TMEM260: variants seen among roughly 807,000 people sequenced by gnomAD.
TMEM260 encodes protein O-mannosyl-transferase TMEM260.
TMEM260 carries 82 observed loss-of-function variants against 88.9 expected under a neutral mutation model. The ratio of observed to expected loss-of-function variants is 0.92; its 90% CI spans 0.77 to 1.11. The LOEUF (loss-of-function observed/expected upper bound fraction) is 1.11, where lower values mean the gene tolerates loss of function less well. TMEM260 is among the 50% of genes least tolerant of loss of function. The pLI is 0.00. For missense variants in TMEM260, 902 were observed against 853.4 expected (o/e 1.06, Z -0.71); for synonymous variants, 314 against 309.3 (o/e 1.02, Z -0.16).
At chr14:56,618,539 G>C (rs1406506686) in intron 9 of TMEM260, 55 bp from the exon 10 acceptor site, 2 of 1,533,150 alleles carry the variant, frequency 1.3e-6, no homozygotes, top group South Asian at 2.3e-5. Flanking sequence ...ATGAGGAGCT[G>C]ATTGATAGCA....
At chr14:56,636,444 T>G (rs1889082578) in intron 14 of TMEM260, 64 bp from the exon 15 acceptor site, 2 of 1,305,194 alleles carry the variant, frequency 1.5e-6, no homozygotes, top group African/African-American at 2.9e-5. Context: ...CTGGAAGATT[T>G]AGCTAGCCCT....
chr14:56,606,995 G>A (rs190059078), intron 5 of TMEM260, among the ~76,000 whole-genome samples: 33 of 152,316 alleles, frequency 2.2e-4, no homozygotes, highest in South Asian at 1.5e-3. Context: ...AGTCAATCAC[G>A]TAAGTCCTTA....
chr14:56,602,258 TA>T (rs1202681665), intron 3 of TMEM260, among the ~76,000 whole-genome samples: 13 of 152,208 alleles, frequency 8.5e-5, no homozygotes, highest in African/African-American at 3.1e-4. Flanking sequence ...AAGTAGGATT[TA>T]AATAAATAGA....
intron 4 of TMEM260, 147 bp downstream of exon 4, chr14:56,604,139 C>A: frequency 2.6e-6 from 2 of 772,104 alleles, no homozygotes; most frequent in Non-Finnish European, 3.7e-6. Flanking sequence ...TGATCTCAGT[C>A]TTTTTTATTA....
At chr14:56,640,399 C>T (rs1311316101) in intron 15 of TMEM260, among the ~76,000 whole-genome samples, 1 of 152,192 alleles carries the variant, frequency 6.6e-6, no homozygotes, top group East Asian at 1.9e-4. Flanking sequence ...CTGGAGTGGA[C>T]CTCCAGCAAA....
chr14:56,642,461 G>C (rs56269301), intron 15 of TMEM260, among the ~76,000 whole-genome samples: 1 of 151,748 alleles, frequency 6.6e-6, no homozygotes, highest in Non-Finnish European at 1.5e-5. Context: ...TGAAACCAAC[G>C]AGAACAAAGA....
At chr14:56,611,363 TTGAG>T (rs1887265517) in intron 6 of TMEM260, among the ~76,000 whole-genome samples, 1 of 152,140 alleles carries the variant, frequency 6.6e-6, no homozygotes, top group South Asian at 2.1e-4. Flanking sequence ...ACTAAAGACT[TTGAG>T]TGAAGAGAAA....
intron 1 of TMEM260, among the ~76,000 whole-genome samples, chr14:56,582,858 T>G (rs1885227673): frequency 2.0e-5 from 3 of 152,206 alleles, no homozygotes; most frequent in Admixed American, 2.0e-4. Context: ...TTAGAGACGT[T>G]GAATGGGGAC....
chr14:56,662,395 G>A, the TMEM260 span, among the ~76,000 whole-genome samples: 8 of 152,194 alleles, frequency 5.3e-5, no homozygotes, highest in South Asian at 1.7e-3. Flanking sequence ...TGCAGAGCCC[G>A]GCCACCAACA....
chr14:56,596,425 T>TATATATATATATATATATATATATAC (rs1490067903), intron 3 of TMEM260, among the ~76,000 whole-genome samples: 9 of 135,634 alleles, frequency 6.6e-5, no homozygotes, highest in African/African-American at 2.6e-4. Context: ...TATATATATA[T>TATATATATATATATATATATATATAC]ACATACACAC....
rs1359696415 is a variant in TMEM260 at position 56,617,273 on chromosome 14, T to G, written c.1032T>G (p.Ile344Met). 6.3e-7 allele frequency: 1 copy of G among 1,599,134 alleles called. No individual in the cohort carries two copies. The highest frequency in any genetic ancestry group is 1.1e-5 in the South Asian group (1 of 87,842). The change falls in exon 9 of 16, where the codon ATT becomes ATG. Residue 344 changes from isoleucine (I) to methionine (M), a missense_variant. Transcript: ENST00000261556. ...TTGCTTGGAGAGCAAATTTAGATAT[T>G]TCAAAACCACTTTTCATGGGTGTGG... ...LFFAWRANLDISKPLFMGVVE... is the reference protein window; with the variant it reads ...LFFAWRANLDMSKPLFMGVVE...
intron 15 of TMEM260, among the ~76,000 whole-genome samples, chr14:56,643,348 G>A (rs1325845853): frequency 6.6e-6 from 1 of 152,166 alleles, no homozygotes; most frequent in Non-Finnish European, 1.5e-5. Flanking sequence ...TGCAAGGCTG[G>A]TTCAACATAC....
At chr14:56,650,931 C>T (rs1047442147), downstream of TMEM260, among the ~76,000 whole-genome samples, 1 of 152,118 alleles carries the variant, frequency 6.6e-6, no homozygotes, top group Non-Finnish European at 1.5e-5. Context: ...ATAAATGCAT[C>T]AACACAGGAT....
chr14:56,627,427 T>C (rs147217110), intron 12 of TMEM260, among the ~76,000 whole-genome samples: 1,834 of 152,286 alleles, frequency 0.012, 16 homozygotes, highest in Non-Finnish European at 0.018. Flanking sequence ...TTACAAACTT[T>C]GTAAATACAT....
In TMEM260 at chr14:56,605,563, T is replaced by C; in HGVS notation, c.523-7T>C. 2 of 1,467,404 alleles carry C rather than the reference T, an allele frequency of 1.4e-6. No homozygotes were observed. Among genetic ancestry groups the C allele is most frequent in the Non-Finnish European group, 1.8e-6 (2 of 1,091,452 alleles). The allele number at this position is 1,467,404 out of a possible 1,614,324, so 90.9% of individuals were successfully genotyped here. On this transcript the variant is annotated splice_region_variant and splice_polypyrimidine_tract_variant and intron_variant, in intron 4 of 15. Transcript: ENST00000261556. ...TTACTTAATTTTTTTTTTTAATTTA[T>C]TTTCAGGTAGCTAAAATTGGTGCTT...
At chr14:56,644,794 A>C (rs1889843083) in intron 15 of TMEM260, among the ~76,000 whole-genome samples, 1 of 152,180 alleles carries the variant, frequency 6.6e-6, no homozygotes, top group African/African-American at 2.4e-5. Context: ...ACTCAAACAA[A>C]TTTACAAGAA....
At chr14:56,608,421 T>G (rs888830728) in intron 5 of TMEM260, among the ~76,000 whole-genome samples, 1 of 152,210 alleles carries the variant, frequency 6.6e-6, no homozygotes, top group East Asian at 1.9e-4. Flanking sequence ...TATAAAACTT[T>G]GTCGATATTG....
intron 3 of TMEM260, among the ~76,000 whole-genome samples, chr14:56,598,424 G>A (rs1377814916): frequency 6.6e-6 from 1 of 152,148 alleles, no homozygotes; most frequent in Non-Finnish European, 1.5e-5. Context: ...CTAGAAGGCT[G>A]CAATGAGAAG....
the TMEM260 span, among the ~76,000 whole-genome samples, chr14:56,660,622 G>C: frequency 6.6e-6 from 1 of 152,198 alleles, no homozygotes; most frequent in South Asian, 2.1e-4. Context: ...TTCTGGAGGG[G>C]CTAACTGGTA....
Sources: gnomAD v4.1 joint callset for allele counts (sites outside exome capture counted in the v4.1 genomes callset) on GRCh38, gnomAD v4.1.1 for gene constraint, MANE v1.5 for transcripts, NCBI Gene and HGNC (gene_info 2026-07-23, HGNC 2026-07-21) for gene names.